RBMS3: variants seen among roughly 807,000 people sequenced by gnomAD.
The protein encoded by RBMS3 is RNA-binding motif, single-stranded-interacting protein 3.
A neutral mutation model predicts 66.8 loss-of-function variants in RBMS3; 27 were observed. That is an observed-to-expected ratio of 0.40 (90% CI 0.30 to 0.56). The LOEUF is 0.56. RBMS3 is among the 20% of genes least tolerant of loss of function. RBMS3 has a pLI of 0.40. For missense variants in RBMS3, 513 were observed against 549.5 expected (o/e 0.93, Z 0.66); for synonymous variants, 188 against 183.0 (o/e 1.03, Z -0.22).
At chr3:29,860,263 C>T (rs968384940) in intron 6 of RBMS3, among the ~76,000 whole-genome samples, 1 of 152,204 alleles carries the variant, frequency 6.6e-6, no homozygotes, top group Non-Finnish European at 1.5e-5. Flanking sequence ...AACATCAGGT[C>T]TAGATGGCCC....
chr3:29,439,034 A>C (rs1275107644), intron 2 of RBMS3, among the ~76,000 whole-genome samples: 2 of 152,190 alleles, frequency 1.3e-5, no homozygotes, highest in African/African-American at 4.8e-5. Context: ...TCTAGAAAAA[A>C]GTGGAAGAGC....
chr3:29,991,962 T>G (rs910774223), intron 14 of RBMS3, among the ~76,000 whole-genome samples: 7 of 152,172 alleles, frequency 4.6e-5, no homozygotes, highest in African/African-American at 1.7e-4. Context: ...TCACTCATAA[T>G]GCAAAGTACA....
chr3:29,785,431 A>G (rs772760744), intron 6 of RBMS3, among the ~76,000 whole-genome samples: 4 of 152,088 alleles, frequency 2.6e-5, no homozygotes, highest in Admixed American at 6.6e-5. Flanking sequence ...ACTAGAAAAA[A>G]CAATCCTAAA....
chr3:29,407,420 C>T (rs1320372939), intron 1 of RBMS3, among the ~76,000 whole-genome samples: 1 of 152,112 alleles, frequency 6.6e-6, no homozygotes, highest in Non-Finnish European at 1.5e-5. Context: ...TGTGGCTGAA[C>T]ATTAAGGGTG....
intron 7 of RBMS3, among the ~76,000 whole-genome samples, chr3:29,875,229 T>G (rs1008732855): frequency 6.6e-6 from 1 of 152,112 alleles, no homozygotes; most frequent in African/African-American, 2.4e-5. Flanking sequence ...CCACTAATGT[T>G]TAAGCAACAG....
intron 1 of RBMS3, among the ~76,000 whole-genome samples, chr3:29,320,762 G>T (rs2034959862): frequency 6.6e-6 from 1 of 151,860 alleles, no homozygotes; most frequent in African/African-American, 2.4e-5. Context: ...AATAACTGTG[G>T]CCCTTTTTTG....
intron 4 of RBMS3, among the ~76,000 whole-genome samples, chr3:29,662,982 A>G (rs888309355): frequency 6.6e-6 from 1 of 152,234 alleles, no homozygotes; most frequent in Non-Finnish European, 1.5e-5. Context: ...AAGAGGGAAG[A>G]CAGTAGAATC....
At chr3:29,957,977 T>C (rs552964579) in intron 12 of RBMS3, among the ~76,000 whole-genome samples, 1 of 152,236 alleles carries the variant, frequency 6.6e-6, no homozygotes, top group Non-Finnish European at 1.5e-5. Flanking sequence ...GCAAGTAATG[T>C]CTTTTAGTTC....
At chr3:29,766,576 G>A (rs964445895) in intron 6 of RBMS3, 4 of 151,822 alleles carry the variant, frequency 2.6e-5, no homozygotes, top group South Asian at 2.1e-4. Context: ...TTTGGAACAC[G>A]CTTTATTTCT....
chr3:29,483,697 T>C (rs2043223410), intron 2 of RBMS3, among the ~76,000 whole-genome samples: 1 of 152,212 alleles, frequency 6.6e-6, no homozygotes, highest in Non-Finnish European at 1.5e-5. Flanking sequence ...AGTAATACAC[T>C]GACGTGAAAA....
At chr3:29,670,177 AT>A (rs968486280) in intron 4 of RBMS3, among the ~76,000 whole-genome samples, 2 of 152,190 alleles carry the variant, frequency 1.3e-5, no homozygotes, top group African/African-American at 4.8e-5. Flanking sequence ...TATGGGTTAA[AT>A]GGCGTTCTCC....
chr3:29,534,241 A>G (rs2045469465), intron 3 of RBMS3, among the ~76,000 whole-genome samples: 1 of 152,226 alleles, frequency 6.6e-6, no homozygotes, highest in African/African-American at 2.4e-5. Flanking sequence ...CTAAGCCTTT[A>G]CTACCAACTG....
chr3:29,342,432 C>A (rs951116936), intron 1 of RBMS3, among the ~76,000 whole-genome samples: 1 of 152,116 alleles, frequency 6.6e-6, no homozygotes, highest in Non-Finnish European at 1.5e-5. Flanking sequence ...TTACCTGTGC[C>A]TTACCCATTG....
intron 10 of RBMS3, among the ~76,000 whole-genome samples, chr3:29,910,009 C>A (rs960574420): frequency 6.6e-6 from 1 of 152,066 alleles, no homozygotes; most frequent in Non-Finnish European, 1.5e-5. Context: ...TTCTTCATTA[C>A]TTCATCATTA....
chr3:29,739,974 CAA>C (rs397989061), intron 5 of RBMS3, 97 bp downstream of exon 5: 2,790 of 555,666 alleles, frequency 5.0e-3, no homozygotes, highest in South Asian at 6.3e-3. Context: ...ATAGAATATG[CAA>C]AAAAAAAAAA....
chr3:29,378,487 T>TA (rs199545473), intron 1 of RBMS3, among the ~76,000 whole-genome samples: 42 of 25,958 alleles, frequency 1.6e-3, no homozygotes, highest in South Asian at 0.01. Flanking sequence ...AATAAAACAT[T>TA]AAAAAAAAAA....
At chr3:29,474,370 A>C (rs1247837057) in intron 2 of RBMS3, among the ~76,000 whole-genome samples, 1 of 152,228 alleles carries the variant, frequency 6.6e-6, no homozygotes, top group African/African-American at 2.4e-5. Flanking sequence ...TAGGCTGCTG[A>C]TGAATATTCT....
intron 1 of RBMS3, among the ~76,000 whole-genome samples, chr3:29,373,258 G>A (rs1217752941): frequency 6.6e-6 from 1 of 152,094 alleles, no homozygotes; most frequent in Non-Finnish European, 1.5e-5. Flanking sequence ...TCTCAGCACT[G>A]TTACTCAGGG....
intron 3 of RBMS3, 81 bp downstream of exon 3, chr3:29,488,580 C>T: frequency 2.3e-6 from 3 of 1,281,824 alleles, no homozygotes; most frequent in Non-Finnish European, 3.3e-6. Flanking sequence ...GGTCCAGGTA[C>T]CAGCTGCACA....
Sources: gnomAD v4.1 joint callset for allele counts (sites outside exome capture counted in the v4.1 genomes callset) on GRCh38, gnomAD v4.1.1 for gene constraint, MANE v1.5 for transcripts, NCBI Gene and HGNC (gene_info 2026-07-23, HGNC 2026-07-21) for gene names.